Variants in IL17RB observed in about 807,000 individuals in gnomAD.
IL17RB encodes interleukin 17 receptor B.
Under a neutral mutation model 43.9 loss-of-function variants are expected in IL17RB, and 36 were observed. The ratio of observed to expected loss-of-function variants is 0.82; its 90% CI spans 0.63 to 1.08. IL17RB has a LOEUF of 1.08. IL17RB is among the 50% of genes least tolerant of loss of function. IL17RB has a pLI of 0.00. For synonymous variants in IL17RB, 225 were observed against 225.4 expected (o/e 1.00, Z 0.02); for missense variants, 613 against 613.6 (o/e 1.00, Z 0.01).
At chr3:53,852,636 T>G (rs1250226405) in intron 4 of IL17RB, among the ~76,000 whole-genome samples, 1 of 152,226 alleles carries the variant, frequency 6.6e-6, no homozygotes, top group Non-Finnish European at 1.5e-5. Context: ...CCTCAGTTTT[T>G]CCCTACCAGC....
chr3:53,850,563 G>C (rs563280247), intron 3 of IL17RB, among the ~76,000 whole-genome samples: 4 of 151,694 alleles, frequency 2.6e-5, no homozygotes, highest in African/African-American at 9.7e-5. Context: ...CAGCACTTTG[G>C]GAGGCCAAGG....
At chr3:53,846,756 C>T (rs1035051500) in intron 1 of IL17RB, 108 bp downstream of exon 1, 4 of 1,181,250 alleles carry the variant, frequency 3.4e-6, no homozygotes, top group Non-Finnish European at 3.5e-6. Flanking sequence ...CGCGGACTGC[C>T]GGCTCAAGGG....
chr3:53,858,444 T>G (rs991295646), intron 8 of IL17RB: 1 of 1,240,950 alleles, frequency 8.1e-7, no homozygotes, highest in Admixed American at 3.7e-5. Flanking sequence ...TGGTAAGATA[T>G]GACCTAGCCC....
chr3:53,858,693 T>A (rs2232345), intron 8 of IL17RB, 26 bp from the exon 9 acceptor site: 41,641 of 1,612,388 alleles, frequency 0.026, 733 homozygotes, highest in African/African-American at 0.068. Context: ...TGGTGTGAAC[T>A]TTCTGAGCCT....
Position 53,846,623 on chromosome 3 carries a change from G to A in IL17RB, c.35G>A (p.Cys12Tyr). ...GTGCTGCTAAGCCTGGCCGCGCTGT[G>A]CAGGAGCGCCGTACCCCGAGAGCCG... ...SLVLLSLAALCRSAVPREPTV... is the reference protein window; with the variant it reads ...SLVLLSLAALYRSAVPREPTV... The change falls in exon 1 of 11, where the codon TGC becomes TAC. Residue 12 changes from cysteine (C) to tyrosine (Y), a missense_variant. Cys to Tyr is a radical substitution (Grantham distance 194). Transcript: ENST00000288167. The A allele has an allele frequency of 6.3e-7, 1 of 1,593,716 alleles. No individual in the cohort carries two copies.
At position 53,853,016 on chromosome 3, in the gene IL17RB, T is replaced by C; in HGVS notation, c.481+19T>C. The C allele has an allele frequency of 6.2e-7, 1 of 1,613,836 alleles. No individual in the cohort carries two copies. Reference sequence around the variant, plus strand: ...TCACCAGGTAAACTTCCTCATTTGTTTATTATTCTTTGTCTTGCTGGGATG... The same window carrying C: ...TCACCAGGTAAACTTCCTCATTTGTCTATTATTCTTTGTCTTGCTGGGATG... On this transcript the variant is annotated intron_variant, in intron 5 of 10. Coordinates refer to ENST00000288167, the MANE Select transcript of IL17RB (RefSeq NM_018725.4).
chr3:53,851,846 A>G (rs1433186169), intron 3 of IL17RB, among the ~76,000 whole-genome samples, 153 bp from the exon 4 acceptor site: 1 of 152,206 alleles, frequency 6.6e-6, no homozygotes, highest in African/African-American at 2.4e-5. Context: ...CACGAACCCC[A>G]TCTGTAAACT....
intron 7 of IL17RB, 49 bp from the exon 8 acceptor site, chr3:53,857,567 G>T (rs2232341): frequency 0.046 from 70,922 of 1,543,924 alleles, 1,937 homozygotes; most frequent in Middle Eastern, 0.077. Flanking sequence ...TTACAGGGGT[G>T]AGCCAGTGCA....
chr3:53,850,247 A>G (rs920301153), intron 3 of IL17RB, among the ~76,000 whole-genome samples: 1 of 152,238 alleles, frequency 6.6e-6, no homozygotes, highest in African/African-American at 2.4e-5. Context: ...CTGTAATCCC[A>G]GCACTTTGGG....
rs752306444 is a variant in IL17RB, at chr3:53,846,644, A to T, written c.56A>T (p.Glu19Val). The change falls in exon 1 of 11, where the codon GAG becomes GTG. Residue 19 changes from glutamate (E) to valine (V), a missense_variant. Glu to Val is a moderately radical substitution (Grantham distance 121). Transcript: ENST00000288167. Reference sequence around the variant, plus strand: ...CTGTGCAGGAGCGCCGTACCCCGAGAGCCGGTAAGCCCCCGCCAGCACCTC... The same window carrying T: ...CTGTGCAGGAGCGCCGTACCCCGAGTGCCGGTAAGCCCCCGCCAGCACCTC... ...AALCRSAVPR[E>V]PTVQCGSETG... The T allele has an allele frequency of 6.3e-7, 1 of 1,589,992 alleles. No homozygotes were observed. Among genetic ancestry groups the T allele is most frequent in the African/African-American group, 1.4e-5 (1 of 73,618 alleles).
At chr3:53,863,352 A>C (rs1699638658) in intron 10 of IL17RB, among the ~76,000 whole-genome samples, 1 of 152,214 alleles carries the variant, frequency 6.6e-6, no homozygotes, top group Non-Finnish European at 1.5e-5. Flanking sequence ...GAGTATTTGA[A>C]TACAGAAACC....
At chr3:53,860,250 A>C (rs1184380900) in intron 10 of IL17RB, 22 bp downstream of exon 10, 1 of 1,561,008 alleles carries the variant, frequency 6.4e-7, no homozygotes, top group Non-Finnish European at 8.8e-7. Context: ...AATTCTTTAA[A>C]GACATCCTAG....
intron 4 of IL17RB, 84 bp from the exon 5 acceptor site, chr3:53,852,787 A>T (rs1051055840): frequency 1.8e-5 from 24 of 1,358,210 alleles, no homozygotes; most frequent in African/African-American, 4.4e-5. Context: ...AATGAAATAC[A>T]AACTAAAAGG....
chr3:53,859,567 C>T (rs1425290415), intron 9 of IL17RB: 1 of 152,460 alleles, frequency 6.6e-6, no homozygotes, highest in African/African-American at 2.4e-5. Flanking sequence ...ACAAGACGGC[C>T]TGTAAAAATG....
intron 8 of IL17RB, 135 bp from the exon 9 acceptor site, chr3:53,858,584 G>A: frequency 6.9e-7 from 1 of 1,456,282 alleles, no homozygotes; most frequent in Non-Finnish European, 9.1e-7. Flanking sequence ...TGTGACCAAG[G>A]GGAAAATGTG....
intron 10 of IL17RB, among the ~76,000 whole-genome samples, chr3:53,863,398 T>C (rs1033444615): frequency 7.9e-5 from 12 of 152,054 alleles, no homozygotes; most frequent in Admixed American, 1.3e-4. Context: ...GCAGAGCTAT[T>C]AAAAAAACTC....
intron 5 of IL17RB, among the ~76,000 whole-genome samples, chr3:53,853,533 G>A (rs537813228): frequency 7.1e-4 from 108 of 152,350 alleles, no homozygotes; most frequent in Non-Finnish European, 1.3e-3. Context: ...TGAGAGGCAG[G>A]GTGGTCCTGA....
rs1699386082 is a variant in IL17RB at position 53,857,551 on chromosome 3, T to C, written c.673-65T>C. On this transcript the variant is annotated intron_variant, in intron 7 of 10. Coordinates refer to ENST00000288167, the MANE Select transcript of IL17RB (RefSeq NM_018725.4). ...CTGCCTGCCTTGGCCTCCCAAAGTG[T>C]TGGGATTACAGGGGTGAGCCAGTGC... 3 of 1,453,922 alleles carry C rather than the reference T, an allele frequency of 2.1e-6. No homozygotes were observed. The South Asian group carries it at 3.4e-5, about 17-fold the overall frequency. 90.1% of individuals were successfully genotyped at this position (1,453,922 alleles called of 1,614,324 possible).
Position 53,865,244 on chromosome 3 carries a change from T to C in IL17RB, c.1445T>C (p.Val482Ala). The change falls in exon 11 of 11, where the codon GTC (valine) becomes GCC (alanine). Residue 482 changes from valine to alanine, a missense_variant. Coordinates refer to ENST00000288167, the MANE Select transcript of IL17RB (RefSeq NM_018725.4). ...GCTTTCTGTGCAGAACTTCTCCATGTCAAGCAGCAGGTGTCAGCAGGAAAA... is the reference window on the plus strand; with the variant it reads ...GCTTTCTGTGCAGAACTTCTCCATGCCAAGCAGCAGGTGTCAGCAGGAAAA... ...ATAFCAELLHVKQQVSAGKRS... is the reference protein window; with the variant it reads ...ATAFCAELLHAKQQVSAGKRS... 2.5e-6 allele frequency: 4 copies of C among 1,613,154 alleles called. No individual in the cohort carries two copies. Among genetic ancestry groups the C allele is most frequent in the Non-Finnish European group, 3.4e-6 (4 of 1,180,026 alleles).
Sources: allele counts gnomAD v4.1 joint callset (sites outside exome capture counted in the v4.1 genomes callset), GRCh38; gene constraint gnomAD v4.1.1; transcripts MANE v1.5; gene names NCBI Gene and HGNC (gene_info 2026-07-23, HGNC 2026-07-21).